The following PBRM1 variants were observed in gnomAD, a reference collection of about 807,000 sequenced individuals.
PBRM1 encodes the protein polybromo 1, also known as protein polybromo-1.
PBRM1 carries 27 observed loss-of-function variants against 194.5 expected under a neutral mutation model. The observed-to-expected ratio is 0.14, with a 90% CI of 0.10 to 0.19. The LOEUF is 0.19. Among genes scored for constraint, PBRM1 ranks in the 10% least tolerant of loss-of-function variants. The pLI, the probability that PBRM1 is intolerant of heterozygous loss-of-function variation, is 1.00. For missense variants in PBRM1, 1,466 were observed against 2,077.2 expected (o/e 0.71, Z 5.72); for synonymous variants, 655 against 693.2 (o/e 0.94, Z 0.87).
At chr3:52,548,145 G>A (rs2153308451) in exon 30 of PBRM1, 1 of 1,610,870 alleles carries the variant, frequency 6.2e-7, no homozygotes, top group Non-Finnish European at 8.5e-7. Context: ...GAGGGCATCT[G>A]CCATGGTGGT....
chr3:52,600,373 T>C (rs978749150), intron 17 of PBRM1, among the ~76,000 whole-genome samples: 1 of 152,234 alleles, frequency 6.6e-6, no homozygotes, highest in African/African-American at 2.4e-5. Context: ...CTTTTTTATT[T>C]TTCTTTGACT....
At chr3:52,640,446 T>C (rs1023441000) in intron 10 of PBRM1, among the ~76,000 whole-genome samples, 1 of 151,986 alleles carries the variant, frequency 6.6e-6, no homozygotes, top group Non-Finnish European at 1.5e-5. Flanking sequence ...AAATTTTGTA[T>C]TTTTTGTAGA....
chr3:52,591,495 T>C (rs1437347365), intron 17 of PBRM1, among the ~76,000 whole-genome samples: 1 of 151,104 alleles, frequency 6.6e-6, no homozygotes, highest in Non-Finnish European at 1.5e-5. Flanking sequence ...ATTGAGATAA[T>C]GTAGTTTTTG....
At chr3:52,608,280 T>C (rs1253727666) in intron 16 of PBRM1, among the ~76,000 whole-genome samples, 2 of 152,184 alleles carry the variant, frequency 1.3e-5, no homozygotes, top group East Asian at 3.9e-4. Flanking sequence ...CATCATTTAC[T>C]AGTTGTAAGA....
intron 10 of PBRM1, among the ~76,000 whole-genome samples, chr3:52,639,156 G>C (rs2095963526): frequency 1.3e-5 from 2 of 151,974 alleles, no homozygotes; most frequent in South Asian, 4.2e-4. Flanking sequence ...ATTTATAGTA[G>C]AGACAGAGAA....
At chr3:52,655,863 A>G (rs1002062310) in intron 5 of PBRM1, among the ~76,000 whole-genome samples, 4 of 152,216 alleles carry the variant, frequency 2.6e-5, no homozygotes, top group Non-Finnish European at 5.9e-5. Flanking sequence ...AGCATCTTGC[A>G]TATCTATGAC....
At chr3:52,642,074 G>A (rs778796374) in intron 9 of PBRM1, 29 bp from the exon 11 acceptor site, 2 of 1,109,770 alleles carry the variant, frequency 1.8e-6, no homozygotes, top group Non-Finnish European at 1.4e-6. Flanking sequence ...CAATTAGACA[G>A]GGAAGGATGT....
Position 52,554,070 on chromosome 3 carries a change from G to A in PBRM1, c.4609+654C>T, listed in dbSNP as rs188663612. Among the ~76,000 whole-genome samples, 132 of 152,286 alleles carry A rather than the reference G, an allele frequency of 8.7e-4. 1 individual carries two copies. The highest frequency in any genetic ancestry group is 1.2e-3 in the Non-Finnish European group (82 of 68,016). ...CTTCCTCATTCTCTGAAAGTGCTGGGATTACAGGCATGAGCCATTACACCT... is the reference window on the plus strand; with the variant it reads ...CTTCCTCATTCTCTGAAAGTGCTGGAATTACAGGCATGAGCCATTACACCT... On this transcript the variant is annotated intron_variant, in intron 27 of 29. Transcript: ENST00000296302.
intron 7 of PBRM1, 62 bp from the exon 9 acceptor site, chr3:52,644,851 C>T: frequency 1.4e-6 from 1 of 733,804 alleles, no homozygotes; most frequent in South Asian, 1.6e-5. Flanking sequence ...TTAATGCCCC[C>T]AACTCATGCA....
At chr3:52,587,566 A>C in intron 18 of PBRM1, 56 bp from the exon 21 acceptor site, 1 of 1,219,910 alleles carries the variant, frequency 8.2e-7, no homozygotes, top group Non-Finnish European at 1.1e-6. Flanking sequence ...GTTAACAGAA[A>C]TCACTTTTTT....
chr3:52,598,134 T>G (rs945381349), intron 17 of PBRM1, among the ~76,000 whole-genome samples: 1 of 151,934 alleles, frequency 6.6e-6, no homozygotes, highest in African/African-American at 2.4e-5. Context: ...ATTCACCTAT[T>G]TAAAGTTCAA....
At chr3:52,648,412 C>T (rs2096390134) in exon 7 of PBRM1, 1 of 1,605,300 alleles carries the variant, frequency 6.2e-7, no homozygotes, top group Non-Finnish European at 8.5e-7. Context: ...ATATCTTTGG[C>T]CATTGCATGA....
At chr3:52,618,034 G>T (rs2095060548) in intron 13 of PBRM1, among the ~76,000 whole-genome samples, 1 of 152,204 alleles carries the variant, frequency 6.6e-6, no homozygotes, top group Non-Finnish European at 1.5e-5. Context: ...TATTTTGGTT[G>T]TCTGAAAACA....
At chr3:52,647,552 T>C (rs1193086062) in intron 7 of PBRM1, among the ~76,000 whole-genome samples, 2 of 142,824 alleles carry the variant, frequency 1.4e-5, no homozygotes, top group Non-Finnish European at 3.0e-5. Context: ...TTATTTATAA[T>C]AGCCAATAAG....
chr3:52,575,145 T>C (rs1205369294), intron 22 of PBRM1, among the ~76,000 whole-genome samples: 2 of 152,130 alleles, frequency 1.3e-5, no homozygotes, highest in Non-Finnish European at 2.9e-5. Context: ...TCAAGCGACC[T>C]GCCCATGTCA....
At chr3:52,568,042 G>A (rs989510942) in intron 22 of PBRM1, among the ~76,000 whole-genome samples, 8 of 151,906 alleles carry the variant, frequency 5.3e-5, no homozygotes, top group African/African-American at 1.9e-4. Context: ...GCAGTGGTGC[G>A]ATTCTGGCTC....
intron 13 of PBRM1, among the ~76,000 whole-genome samples, chr3:52,622,191 T>C (rs767983706): frequency 6.6e-5 from 10 of 151,762 alleles, no homozygotes; most frequent in Non-Finnish European, 1.5e-4. Context: ...ATACAAAAAT[T>C]AGCTGGGTGT....
chr3:52,547,660 G>GT (rs939979726), downstream of PBRM1: 17 of 232,064 alleles, frequency 7.3e-5, no homozygotes, highest in South Asian at 1.8e-4. Flanking sequence ...GTGTGTGTGT[G>GT]TTTTTTTTCA....
chr3:52,671,277 T>G (rs2096942129), intron 2 of PBRM1, among the ~76,000 whole-genome samples: 1 of 152,138 alleles, frequency 6.6e-6, no homozygotes, highest in African/African-American at 2.4e-5. Flanking sequence ...CATAAATACT[T>G]GAGAAAAAAA....
Sources: allele counts gnomAD v4.1 joint callset (sites outside exome capture counted in the v4.1 genomes callset), GRCh38; gene constraint gnomAD v4.1.1; transcripts MANE v1.5; gene names NCBI Gene and HGNC (gene_info 2026-07-23, HGNC 2026-07-21).